The following C2orf76 variants were observed in gnomAD, a reference collection of about 807,000 sequenced individuals.
The protein encoded by C2orf76 is UPF0538 protein C2orf76.
C2orf76 carries 23 observed loss-of-function variants against 16.9 expected under a neutral mutation model. The ratio of observed to expected loss-of-function variants is 1.36; its 90% CI spans 0.98 to 1.93. The LOEUF is 1.93. Among genes scored for constraint, C2orf76 ranks in the 30% most tolerant of loss-of-function variants. The pLI, the probability that C2orf76 is intolerant of heterozygous loss-of-function variation, is 0.00. For missense variants in C2orf76, 152 were observed against 152.6 expected, an observed-to-expected ratio of 1.00 and a Z score of 0.02; for synonymous variants, 48 against 52.3, an observed-to-expected ratio of 0.92 and a Z score of 0.35.
Position 119,346,440 on chromosome 2 carries a change from G to A in C2orf76, c.-12-6469C>T, listed in dbSNP as rs80066084. On this transcript the variant is annotated intron_variant, in intron 1 of 5. Coordinates refer to ENST00000334816, the MANE Select transcript of C2orf76 (RefSeq NM_001322331.2). ...GCAAACTGCAGTATATCCATATCATGAAATACTAGTCAGTAATAAAAATAA... is the reference window on the plus strand; with the variant it reads ...GCAAACTGCAGTATATCCATATCATAAAATACTAGTCAGTAATAAAAATAA... 7.1e-3 allele frequency among the ~76,000 whole-genome samples: 1,082 copies of A among 152,274 alleles called. 9 individuals are homozygous for A. Among genetic ancestry groups the A allele is most frequent in the African/African-American group, 0.025 (1,019 of 41,568 alleles).
chr2:119,329,433 T>G (rs1022983190), intron 2 of C2orf76, among the ~76,000 whole-genome samples: 1 of 152,098 alleles, frequency 6.6e-6, no homozygotes, highest in Non-Finnish European at 1.5e-5. Context: ...AGGTAACATA[T>G]AATTGGGACT....
At chr2:119,366,694 C>A (rs976977964) in intron 1 of C2orf76, 96 bp downstream of exon 1, 39 of 484,310 alleles carry the variant, frequency 8.1e-5, no homozygotes, top group Non-Finnish European at 1.4e-4. Context: ...CCCTCCCCTT[C>A]CCCCGCGTGC....
At chr2:119,330,917 A>G (rs1030026567) in intron 2 of C2orf76, among the ~76,000 whole-genome samples, 3 of 152,132 alleles carry the variant, frequency 2.0e-5, no homozygotes, top group Non-Finnish European at 4.4e-5. Flanking sequence ...AACATGCTCA[A>G]TCTTTCCTCT....
At chr2:119,302,584 A>T in intron 5 of C2orf76, 36 bp from the exon 6 acceptor site, 1 of 1,313,682 alleles carries the variant, frequency 7.6e-7, no homozygotes, top group Non-Finnish European at 1.0e-6. Flanking sequence ...AAAGATTTTA[A>T]TGTAAATCTA....
the C2orf76 span, among the ~76,000 whole-genome samples, chr2:119,288,758 G>A: frequency 6.6e-6 from 1 of 151,952 alleles, no homozygotes; most frequent in Non-Finnish European, 1.5e-5. Flanking sequence ...CCTTGCTCAG[G>A]CCAGAGACTG....
intron 2 of C2orf76, among the ~76,000 whole-genome samples, chr2:119,322,365 C>A (rs1679371895): frequency 6.6e-6 from 1 of 152,010 alleles, no homozygotes; most frequent in Admixed American, 6.6e-5. Flanking sequence ...TGCCACCGCA[C>A]CCAGCAATTT....
chr2:119,362,390 G>C (rs560547994), intron 1 of C2orf76, among the ~76,000 whole-genome samples: 1 of 152,120 alleles, frequency 6.6e-6, no homozygotes, highest in African/African-American at 2.4e-5. Flanking sequence ...AGGGTCAGCT[G>C]TATTTCTAAT....
chr2:119,363,109 A>G (rs1458826781), intron 1 of C2orf76, among the ~76,000 whole-genome samples: 1 of 151,776 alleles, frequency 6.6e-6, no homozygotes, highest in Admixed American at 6.6e-5. Flanking sequence ...AAGCATTTCC[A>G]AAGTCCCTTC....
the C2orf76 span, among the ~76,000 whole-genome samples, chr2:119,293,834 T>C: frequency 6.6e-6 from 1 of 152,156 alleles, no homozygotes; most frequent in Non-Finnish European, 1.5e-5. Context: ...CTGGAGGTCA[T>C]GTCCTTCAGT....
downstream of C2orf76, among the ~76,000 whole-genome samples, chr2:119,301,104 C>CAA (rs1678614462): frequency 7.0e-6 from 1 of 141,904 alleles, no homozygotes; most frequent in South Asian, 2.1e-4. Flanking sequence ...CACACACACA[C>CAA]AACTAATTTC....
chr2:119,316,128 T>C (rs528774007), intron 4 of C2orf76, among the ~76,000 whole-genome samples: 10 of 152,362 alleles, frequency 6.6e-5, no homozygotes, highest in African/African-American at 2.2e-4. Context: ...TTTAGATGTA[T>C]ATAATACACA....
At chr2:119,307,266 C>A (rs1461757983) in intron 5 of C2orf76, among the ~76,000 whole-genome samples, 2 of 98,602 alleles carry the variant, frequency 2.0e-5, no homozygotes, top group Non-Finnish European at 4.7e-5. Context: ...GTGGTGAAAC[C>A]CCGTCTCTAC....
In C2orf76 at chr2:119,339,881, G is replaced by T. The variant is rs754154092; in HGVS notation, c.79C>A (p.His27Asn). The change falls in exon 2 of 6, where the codon CAC (histidine) becomes AAC (asparagine). Residue 27 changes from histidine to asparagine, a missense_variant. By Grantham distance (68) the His-to-Asn change is moderately conservative. Coordinates refer to ENST00000334816, the MANE Select transcript of C2orf76 (RefSeq NM_001322331.2). ...ACAGTTTGGTCCAAATTCACTCCGTGATACACTACAGGTTTGAAATTGCGA... is the reference window on the plus strand; with the variant it reads ...ACAGTTTGGTCCAAATTCACTCCGTTATACACTACAGGTTTGAAATTGCGA... ...EHRNFKPVVY[H>N]GVNLDQTVKE... 2.5e-6 allele frequency: 4 copies of T among 1,612,582 alleles called. No homozygotes were observed. The South Asian group carries it at 4.4e-5, about 18-fold the overall frequency.
chr2:119,353,976 G>A (rs551152686), intron 1 of C2orf76, among the ~76,000 whole-genome samples: 1 of 152,068 alleles, frequency 6.6e-6, no homozygotes, highest in Non-Finnish European at 1.5e-5. Context: ...GCGTTCTATG[G>A]TTAACAGTAC....
intron 5 of C2orf76, 29 bp from the exon 6 acceptor site, chr2:119,302,577 G>A: frequency 1.5e-6 from 2 of 1,376,798 alleles, no homozygotes; most frequent in Non-Finnish European, 9.9e-7. Context: ...TGGAAAAAAA[G>A]ATTTTAATGT....
At chr2:119,312,309 G>A (rs1179992958) in intron 4 of C2orf76, among the ~76,000 whole-genome samples, 6 of 152,100 alleles carry the variant, frequency 3.9e-5, no homozygotes, top group South Asian at 2.1e-4. Context: ...GTGCAGTGGC[G>A]TGATTATGGC....
chr2:119,284,452 C>T, the C2orf76 span, among the ~76,000 whole-genome samples: 4 of 152,282 alleles, frequency 2.6e-5, no homozygotes, highest in East Asian at 5.8e-4. Context: ...CCCAGAGCCC[C>T]TCCCTGCACT....
chr2:119,285,610 A>C, the C2orf76 span, among the ~76,000 whole-genome samples: 24,077 of 152,260 alleles, frequency 0.16, 2,521 homozygotes, highest in Middle Eastern at 0.3. Context: ...ACACTGTGTC[A>C]GGGCATGGAG....
At chr2:119,340,196 CA>C in intron 1 of C2orf76, 1 of 425,908 alleles carries the variant, frequency 2.3e-6, no homozygotes, top group South Asian at 5.4e-5. Context: ...GTCACAGTCA[CA>C]GATGTTCTGA....
Sources: allele counts gnomAD v4.1 joint callset (sites outside exome capture counted in the v4.1 genomes callset), GRCh38; gene constraint gnomAD v4.1.1; transcripts MANE v1.5; gene names NCBI Gene and HGNC (gene_info 2026-07-23, HGNC 2026-07-21).